GREB1: variants seen among roughly 807,000 people sequenced by gnomAD.
GREB1 encodes protein GREB1.
In GREB1, 106 loss-of-function variants were observed where a neutral mutation model predicts 200.7. That is an observed-to-expected ratio of 0.53 (90% CI 0.45 to 0.62). The LOEUF is 0.62. GREB1 is among the 20% of genes least tolerant of loss of function. GREB1 has a pLI of 0.00. For missense variants in GREB1, 2,243 were observed against 2,556.8 expected (o/e 0.88, Z 2.65); for synonymous variants, 1,132 against 1,092.4 (o/e 1.04, Z -0.72).
At chr2:11,617,677 G>A (rs1683539854) in intron 21 of GREB1, among the ~76,000 whole-genome samples, 2 of 152,310 alleles carry the variant, frequency 1.3e-5, no homozygotes, top group African/African-American at 4.8e-5. Context: ...GACGTGCAGG[G>A]CCTGGGTGCG....
At chr2:11,572,490 T>C (rs538103210) in intron 4 of GREB1, among the ~76,000 whole-genome samples, 1 of 152,178 alleles carries the variant, frequency 6.6e-6, no homozygotes, top group Non-Finnish European at 1.5e-5. Flanking sequence ...CCAAGAAGAA[T>C]CATGTCACTT....
rs1677172255 is a variant in GREB1, at chr2:11,562,510, G to A, written c.205G>A (p.Gly69Arg). The change falls in exon 3 of 33, where the codon GGG (glycine) becomes AGG (arginine). Residue 69 changes from glycine to arginine, a missense_variant. Physicochemically the swap from Gly to Arg is moderately radical, Grantham distance 125. Coordinates refer to ENST00000381486, the MANE Select transcript of GREB1 (RefSeq NM_014668.4). ...NEEEEEEGEGGLETNGPPNPF... is the reference protein window; with the variant it reads ...NEEEEEEGEGRLETNGPPNPF... ...GGAAGAGGAAGAAGAGGGAGAAGGA[G>A]GGCTGGAAACAAATGGCCCCCCAAA... is the stretch of plus-strand genomic sequence containing the variant. 6.2e-7 allele frequency: 1 copy of A among 1,607,484 alleles called. No homozygotes were observed. The highest frequency in any genetic ancestry group is 1.3e-5 in the African/African-American group (1 of 74,206).
chr2:11,622,492 T>A (rs973667453), intron 23 of GREB1, among the ~76,000 whole-genome samples: 7 of 152,268 alleles, frequency 4.6e-5, no homozygotes, highest in African/African-American at 1.7e-4. Context: ...ACATGTTTTA[T>A]AATTTGAATT....
chr2:11,495,798 T>A (rs1261969181), intron 1 of GREB1, among the ~76,000 whole-genome samples: 1 of 143,928 alleles, frequency 6.9e-6, no homozygotes, highest in Non-Finnish European at 1.5e-5. Flanking sequence ...GTCCCCCCGT[T>A]TTTTTTTTTT....
intron 4 of GREB1, among the ~76,000 whole-genome samples, chr2:11,570,593 T>A (rs1475623021): frequency 6.6e-6 from 1 of 152,072 alleles, no homozygotes; most frequent in Admixed American, 6.6e-5. Flanking sequence ...AGCATTTAGT[T>A]GCTGTATCTC....
chr2:11,569,335 G>C (rs1271021128), intron 4 of GREB1, among the ~76,000 whole-genome samples: 1 of 152,176 alleles, frequency 6.6e-6, no homozygotes, highest in Non-Finnish European at 1.5e-5. Context: ...GGGGCTGGGT[G>C]GGGGGATGCA....
In GREB1 at chr2:11,618,390, C is replaced by A; in HGVS notation, c.3515C>A (p.Ala1172Asp). The change falls in exon 22 of 33, where the codon GCC becomes GAC. Residue 1172 changes from alanine (A) to aspartate (D), a missense_variant. Coordinates refer to ENST00000381486, the MANE Select transcript of GREB1 (RefSeq NM_014668.4). ...CGTGGCCCCGCAGAGGAGGGCAGAGCCCCTGGTGAGAAACAGAGGCCCCGG... is the reference window on the plus strand; with the variant it reads ...CGTGGCCCCGCAGAGGAGGGCAGAGACCCTGGTGAGAAACAGAGGCCCCGG... ...QPRGPAEEGR[A>D]PGEKQRPRAS... 6.2e-7 allele frequency: 1 copy of A among 1,611,642 alleles called. No homozygotes were observed. The highest frequency in any genetic ancestry group is 2.2e-5 in the East Asian group (1 of 44,858).
At chr2:11,601,145 C>A (rs1572880448) in intron 16 of GREB1, 150 bp downstream of exon 16, 1 of 635,682 alleles carries the variant, frequency 1.6e-6, no homozygotes, top group East Asian at 2.8e-5. Context: ...AGGTTGTAAA[C>A]CCTTCTTGGT....
Position 11,620,950 on chromosome 2 carries a change from A to G in GREB1, c.4090A>G (p.Arg1364Gly). ...AYLQFLSVLSRMLVRLTEVDV... is the reference protein window; with the variant it reads ...AYLQFLSVLSGMLVRLTEVDV... ...CCTGCAGTTCCTCAGTGTCCTGTCC[A>G]GGATGCTTGTTCGGCTCACAGAAGT... Residue 1364 changes from arginine (R) to glycine (G), a missense_variant, in exon 23 of 33, where the codon AGG (arginine) becomes GGG (glycine). Arg to Gly is a moderately radical substitution (Grantham distance 125). Around this residue, in one of 3 missense-constraint regions of GREB1, gnomAD observed 587 missense variants for 553.1 expected, o/e 1.06. Transcript: ENST00000381486. The G allele has an allele frequency of 2.5e-6, 4 of 1,613,286 alleles. No homozygotes were observed. The highest frequency in any genetic ancestry group is 3.4e-6 in the Non-Finnish European group (4 of 1,179,158).
At chr2:11,488,762 T>G (rs6432205) in intron 1 of GREB1, among the ~76,000 whole-genome samples, 135,786 of 145,626 alleles carry the variant, frequency 0.93, 64,052 homozygotes, top group Non-Finnish European at 1. Context: ...TTGTACTCCA[T>G]CCTGGGCAAC....
chr2:11,589,883 G>T (rs1255723734), intron 10 of GREB1, among the ~76,000 whole-genome samples: 4 of 152,166 alleles, frequency 2.6e-5, no homozygotes, highest in Non-Finnish European at 5.9e-5. Flanking sequence ...CTGTCTTGGC[G>T]TGAGTTTGTA....
chr2:11,492,878 C>T lies in GREB1; in HGVS notation c.-159+10497C>T, dbSNP rs1235700463. Among the ~76,000 whole-genome samples the T allele has an allele frequency of 6.6e-6, 1 of 152,174 alleles. No individual in the cohort carries two copies. The highest frequency in any genetic ancestry group is 1.5e-5 in the Non-Finnish European group (1 of 68,038). Reference sequence around the variant, plus strand: ...GTGCCCTAGGAAAATGGCTCCTTATCTGCTGGGGGCTGGTCACAGCTGGAG... The same window carrying T: ...GTGCCCTAGGAAAATGGCTCCTTATTTGCTGGGGGCTGGTCACAGCTGGAG... On this transcript the variant is annotated intron_variant, in intron 1 of 2. Transcript: ENST00000628795. The surrounding 1 kb of genome is among the most constrained non-coding windows in gnomAD (Gnocchi z 4.0).
chr2:11,625,435 C>T (rs994306573), intron 24 of GREB1, 123 bp downstream of exon 24: 8 of 913,200 alleles, frequency 8.8e-6, no homozygotes, highest in Non-Finnish European at 1.4e-5. Context: ...ATACCTAGTA[C>T]AGAACTGAGG....
Position 11,534,096 on chromosome 2 carries a change from T to G in GREB1, c.-320T>G, listed in dbSNP as rs1363778075. On this transcript the variant is annotated 5_prime_UTR_variant, in exon 1 of 33. Transcript: ENST00000381486. ...ACTGCAGTAGAGATGGGATTTTACC[T>G]CAAAGTGCAAAGGTAAATGAAATAA... 1 of 152,186 alleles carries G rather than the reference T, an allele frequency of 6.6e-6. No homozygotes were observed. The highest frequency in any genetic ancestry group is 1.9e-4 in the East Asian group (1 of 5,196). The allele number at this position is 152,186 out of a possible 1,614,324, so 9.4% of individuals were successfully genotyped here.
chr2:11,595,483 T>G (rs990803465), intron 12 of GREB1, 104 bp downstream of exon 12: 1 of 1,158,702 alleles, frequency 8.6e-7, no homozygotes, highest in South Asian at 1.5e-5. Context: ...CTGCTAAGGC[T>G]GGCCTCCACT....
intron 1 of GREB1, among the ~76,000 whole-genome samples, chr2:11,511,984 A>AG (rs1558492108): frequency 6.6e-6 from 1 of 152,104 alleles, no homozygotes; most frequent in African/African-American, 2.4e-5. Flanking sequence ...CTGAAAAAAA[A>AG]TCTCGGTCCA....
intron 1 of GREB1, among the ~76,000 whole-genome samples, chr2:11,485,124 G>T (rs1262032754): frequency 6.6e-6 from 1 of 151,840 alleles, no homozygotes; most frequent in East Asian, 2.0e-4. Context: ...ACCGCGCCTG[G>T]CCTGCAGATG....
intron 1 of GREB1, among the ~76,000 whole-genome samples, chr2:11,518,153 C>T (rs963855668): frequency 2.0e-5 from 3 of 152,178 alleles, no homozygotes; most frequent in Non-Finnish European, 4.4e-5. Context: ...CTTTTATGGT[C>T]TGCAATGGAG....
intron 1 of GREB1, among the ~76,000 whole-genome samples, chr2:11,535,248 A>G (rs779405591): frequency 1.3e-5 from 2 of 152,098 alleles, no homozygotes; most frequent in Non-Finnish European, 2.9e-5. Flanking sequence ...CCCCCCAGGT[A>G]TGCACCCTTC....
Sources: gnomAD v4.1 joint callset for allele counts (sites outside exome capture counted in the v4.1 genomes callset) on GRCh38, gnomAD v4.1.1 for gene constraint, gnomAD v4.1.1 regional missense constraint, Gnocchi (gnomAD v3.1) non-coding constraint, MANE v1.5 for transcripts, NCBI Gene and HGNC (gene_info 2026-07-23, HGNC 2026-07-21) for gene names.